Variants in NHS observed in about 807,000 individuals in gnomAD.
NHS encodes the protein NHS actin remodeling regulator.
In NHS, 5 loss-of-function variants were observed where a neutral mutation model predicts 72.5. The ratio of observed to expected loss-of-function variants is 0.07; its 90% CI spans 0.04 to 0.14. The LOEUF (loss-of-function observed/expected upper bound fraction) is 0.14, where lower values mean the gene tolerates loss of function less well. NHS is among the 10% of genes least tolerant of loss of function. NHS has a pLI of 1.00. For missense variants in NHS, 1,072 were observed against 1,355.7 expected (o/e 0.79, Z 3.29); for synonymous variants, 464 against 547.7 (o/e 0.85, Z 2.13).
chrX:17,589,972 T>A (rs2065594975), intron 1 of NHS, among the ~76,000 whole-genome samples: 1 of 112,379 alleles, frequency 8.9e-6, no homozygotes, highest in African/African-American at 3.2e-5. Flanking sequence ...TGTTGGTCAT[T>A]TGTATATCTT....
chrX:17,417,456 A>G (rs746096333), intron 1 of NHS, among the ~76,000 whole-genome samples: 1 of 112,155 alleles, frequency 8.9e-6, no homozygotes, highest in African/African-American at 3.2e-5. Flanking sequence ...ATGTTAGGGT[A>G]GATAAGCAGA....
chrX:17,413,422 G>A (rs1011506521), intron 1 of NHS, among the ~76,000 whole-genome samples: 2 of 111,731 alleles, frequency 1.8e-5, no homozygotes, highest in African/African-American at 3.3e-5. Flanking sequence ...TTTAATGTGG[G>A]CTGTGCAAGT....
chrX:17,380,996 G>A (rs1299819037), intron 1 of NHS, among the ~76,000 whole-genome samples: 2 of 110,864 alleles, frequency 1.8e-5, no homozygotes, highest in Admixed American at 1.9e-4. Context: ...AGTATGGGGT[G>A]AGGTCATCAG....
intron 1 of NHS, among the ~76,000 whole-genome samples, chrX:17,633,012 C>T (rs1423163080): frequency 9.0e-6 from 1 of 111,517 alleles, no homozygotes; most frequent in Non-Finnish European, 1.9e-5. Context: ...GAGAGAACTT[C>T]CTGCTTACTT....
chrX:17,674,178 C>T (rs957124826), intron 1 of NHS, among the ~76,000 whole-genome samples: 9 of 111,578 alleles, frequency 8.1e-5, no homozygotes, highest in Admixed American at 3.8e-4. Flanking sequence ...GATGATCCTC[C>T]GCACCATGCC....
chrX:17,713,098 G>A (rs1327207163), intron 3 of NHS, among the ~76,000 whole-genome samples: 2 of 110,955 alleles, frequency 1.8e-5, no homozygotes, highest in African/African-American at 6.5e-5. Flanking sequence ...GAGATTTTGA[G>A]ACAGTCTCAA....
intron 1 of NHS, among the ~76,000 whole-genome samples, chrX:17,451,474 C>T (rs1480237574): frequency 8.9e-6 from 1 of 112,383 alleles, no homozygotes. Context: ...ATTATAGTAC[C>T]ACGTCCTTTC....
intron 1 of NHS, among the ~76,000 whole-genome samples, chrX:17,603,655 A>C (rs770300385): frequency 8.9e-6 from 1 of 112,440 alleles, no homozygotes; most frequent in South Asian, 3.7e-4. Context: ...AGAACATAAT[A>C]AAATAGAGTT....
intron 1 of NHS, among the ~76,000 whole-genome samples, chrX:17,678,692 C>A (rs1006249804): frequency 9.0e-6 from 1 of 111,303 alleles, no homozygotes; most frequent in Non-Finnish European, 1.9e-5. Context: ...TGCATTTCAA[C>A]ATGAGATTTG....
chrX:17,584,155 T>TTCTC (rs1456947418), intron 1 of NHS, among the ~76,000 whole-genome samples: 2 of 111,940 alleles, frequency 1.8e-5, no homozygotes, highest in Non-Finnish European at 3.8e-5. Context: ...GTTTTCTAGA[T>TTCTC]TCTCTGATTT....
intron 1 of NHS, among the ~76,000 whole-genome samples, chrX:17,492,989 G>A (rs2064998198): frequency 8.9e-6 from 1 of 112,137 alleles, no homozygotes; most frequent in South Asian, 3.8e-4. Context: ...GTAAGTTCTT[G>A]GAGGGCAGAT....
Position 17,692,325 on chromosome X carries a change from T to G in NHS, c.719-10T>G. 1 of 1,210,551 alleles carries G rather than the reference T, an allele frequency of 8.3e-7. No homozygotes were observed. The highest frequency in any genetic ancestry group is 1.1e-6 in the Non-Finnish European group (1 of 895,023). The stretch of plus-strand genomic sequence containing the variant: ...TGTATTTCAGTATTACTGCTTTTTC[T>G]CCTTCTCAGAACACCGGAGCCGGAG... On this transcript the variant is annotated splice_polypyrimidine_tract_variant and intron_variant, in intron 2 of 8. Transcript: ENST00000676302.
At chrX:17,512,564 G>T (rs2065094935) in intron 1 of NHS, among the ~76,000 whole-genome samples, 2 of 111,972 alleles carry the variant, frequency 1.8e-5, no homozygotes, top group African/African-American at 6.5e-5. Context: ...GTGTATGTGT[G>T]TGCATTTTGT....
chrX:17,692,423 T>C lies in NHS; in HGVS notation c.807T>C (p.Ala269=). The C allele has an allele frequency of 1.7e-6, 2 of 1,210,044 alleles. No homozygotes were observed. Among genetic ancestry groups the C allele is most frequent in the South Asian group, 3.5e-5 (2 of 56,818 alleles). The change falls in exon 3 of 9, where the codon GCT becomes GCC. Residue 269 remains alanine (A), a synonymous_variant. Coordinates refer to ENST00000676302, the MANE Select transcript of NHS (RefSeq NM_001291867.2). ...AAPPLPAYPP[A]HSQRRREFKD... is the part of the protein sequence containing the mutation. Reference sequence around the variant, plus strand: ...CTCCACTGCCAGCCTACCCTCCAGCTCACAGCCAGAGGAGGCGTGAGTTTA... The same window carrying C: ...CTCCACTGCCAGCCTACCCTCCAGCCCACAGCCAGAGGAGGCGTGAGTTTA...
chrX:17,457,644 C>A (rs1302558010), intron 1 of NHS, among the ~76,000 whole-genome samples: 1 of 111,736 alleles, frequency 8.9e-6, no homozygotes, highest in African/African-American at 3.3e-5. Flanking sequence ...AAGTAACTTA[C>A]CCCAAAATCC....
chrX:17,692,966 G>A, intron 3 of NHS, among the ~76,000 whole-genome samples: 1 of 111,793 alleles, frequency 8.9e-6, no homozygotes, highest in Non-Finnish European at 1.9e-5. Context: ...GTTATTACTG[G>A]TAAAGTGACA....
intron 1 of NHS, chrX:17,528,887 A>T (rs1342931474): frequency 8.9e-6 from 1 of 111,745 alleles, no homozygotes; most frequent in Non-Finnish European, 1.9e-5. Flanking sequence ...TTTCGTAAGC[A>T]CAGGGCACTT....
chrX:17,520,630 T>C (rs1395656329), intron 1 of NHS, among the ~76,000 whole-genome samples: 1 of 112,026 alleles, frequency 8.9e-6, no homozygotes, highest in African/African-American at 3.3e-5. Flanking sequence ...AAATTAGCAA[T>C]TTTTAAATGG....
chrX:17,391,313 AGCT>A (rs1422525393), intron 1 of NHS, among the ~76,000 whole-genome samples: 4 of 111,894 alleles, frequency 3.6e-5, no homozygotes, highest in Non-Finnish European at 7.5e-5. Context: ...ACCACTTACC[AGCT>A]GTGTGACCTT....
Sources: allele counts gnomAD v4.1 joint callset (sites outside exome capture counted in the v4.1 genomes callset), GRCh38; gene constraint gnomAD v4.1.1; transcripts MANE v1.5; gene names NCBI Gene and HGNC (gene_info 2026-07-23, HGNC 2026-07-21).